The following FAM13A variants were observed in gnomAD, a reference collection of about 807,000 sequenced individuals.
FAM13A encodes the protein protein FAM13A.
In FAM13A, 76 loss-of-function variants were observed where a neutral mutation model predicts 129.6. The observed-to-expected ratio is 0.59, with a 90% CI of 0.49 to 0.71. The LOEUF is 0.71. Among genes scored for constraint, FAM13A ranks in the 30% least tolerant of loss-of-function variants. The probability of loss-of-function intolerance (pLI) is 0.00; values close to 1 mark genes in which losing one functional copy is unlikely to be tolerated. For missense variants in FAM13A, 1,108 were observed against 1,249.3 expected (o/e 0.89, Z 1.70); for synonymous variants, 443 against 449.9 (o/e 0.98, Z 0.20).
intron 7 of FAM13A, among the ~76,000 whole-genome samples, chr4:88,838,858 G>C (rs1349025863): frequency 6.6e-6 from 1 of 152,184 alleles, no homozygotes; most frequent in African/African-American, 2.4e-5. Context: ...ATAAACATTG[G>C]AAGATGCAGC....
intron 5 of FAM13A, among the ~76,000 whole-genome samples, chr4:88,920,683 G>A (rs1383105177): frequency 3.3e-5 from 5 of 152,156 alleles, no homozygotes; most frequent in South Asian, 2.1e-4. Flanking sequence ...CACCAGCAAC[G>A]GAACAAAGCT....
intron 3 of FAM13A, among the ~76,000 whole-genome samples, chr4:89,010,760 C>G (rs535440857): frequency 6.6e-6 from 1 of 152,304 alleles, no homozygotes; most frequent in African/African-American, 2.4e-5. Flanking sequence ...ATCAAAGGTA[C>G]AGACACCAGG....
chr4:89,006,988 C>T (rs1270391797), intron 3 of FAM13A, among the ~76,000 whole-genome samples: 3 of 152,068 alleles, frequency 2.0e-5, no homozygotes, highest in South Asian at 4.1e-4. Context: ...GATAGGGGGG[C>T]AGGATAGACC....
At chr4:88,954,270 T>C (rs997032596) in intron 4 of FAM13A, among the ~76,000 whole-genome samples, 24 of 152,250 alleles carry the variant, frequency 1.6e-4, no homozygotes, top group Admixed American at 3.9e-4. Context: ...AAAATGAATC[T>C]GTGATCACAA....
intron 13 of FAM13A, among the ~76,000 whole-genome samples, chr4:88,763,895 G>C (rs915230889): frequency 1.3e-5 from 2 of 152,158 alleles, no homozygotes. Context: ...ATTAGGCTTT[G>C]GCTATTGGAT....
intron 3 of FAM13A, among the ~76,000 whole-genome samples, chr4:89,008,467 C>T (rs1030706548): frequency 1.3e-4 from 20 of 150,568 alleles, no homozygotes; most frequent in African/African-American, 3.5e-4. Flanking sequence ...CTTCCAGCAC[C>T]TTGATCTTGG....
chr4:88,829,063 C>A (rs1733481129), intron 7 of FAM13A, among the ~76,000 whole-genome samples: 1 of 152,164 alleles, frequency 6.6e-6, no homozygotes, highest in African/African-American at 2.4e-5. Context: ...GCAACAAAAA[C>A]CATGTGGCTG....
intron 8 of FAM13A, among the ~76,000 whole-genome samples, chr4:88,793,357 A>C (rs1725547019): frequency 6.6e-6 from 1 of 151,994 alleles, no homozygotes; most frequent in Non-Finnish European, 1.5e-5. Flanking sequence ...AAGTAAACGA[A>C]TAAATCAATA....
intron 4 of FAM13A, among the ~76,000 whole-genome samples, chr4:88,982,498 C>A (rs1761766533): frequency 6.6e-6 from 1 of 152,088 alleles, no homozygotes; most frequent in Non-Finnish European, 1.5e-5. Flanking sequence ...TCCTGTTTTA[C>A]AAAAATTTAA....
At chr4:88,968,813 C>T (rs1184624889) in intron 4 of FAM13A, among the ~76,000 whole-genome samples, 1 of 151,974 alleles carries the variant, frequency 6.6e-6, no homozygotes, top group African/African-American at 2.4e-5. Context: ...ATTAATTTTG[C>T]CTCCACATTC....
At position 88,781,340 on chromosome 4, in the gene FAM13A, T is replaced by C; in HGVS notation, c.1283A>G (p.Asn428Ser). 3 of 1,602,116 alleles carry C rather than the reference T, an allele frequency of 1.9e-6. No individual in the cohort carries two copies. Among genetic ancestry groups the C allele is most frequent in the Non-Finnish European group, 8.5e-7 (1 of 1,174,654 alleles). ...VRHGRDKGLI[N>S]KENTPSGFNH... ...GAACCCAGAAGGAGTATTTTCTTTG[T>C]TGATAAGTCCCCTTGAATTGAGAAA... Residue 428 changes from asparagine to serine, a missense_variant, in exon 11 of 24, where the codon AAC becomes AGC. Coordinates refer to ENST00000264344, the MANE Select transcript of FAM13A (RefSeq NM_014883.4).
At chr4:89,054,298 GACACACAC>G (rs57198448) in intron 1 of FAM13A, among the ~76,000 whole-genome samples, 4 of 149,826 alleles carry the variant, frequency 2.7e-5, no homozygotes, top group African/African-American at 9.8e-5. Context: ...GATACACACA[GACACACAC>G]ACACACACAC....
chr4:88,776,091 A>G (rs1721653148), intron 11 of FAM13A, among the ~76,000 whole-genome samples: 2 of 152,150 alleles, frequency 1.3e-5, no homozygotes. Flanking sequence ...CTTTGTTTTT[A>G]TTTTTATATA....
intron 8 of FAM13A, among the ~76,000 whole-genome samples, chr4:88,790,907 T>C (rs1409121470): frequency 6.6e-5 from 10 of 152,130 alleles, no homozygotes; most frequent in African/African-American, 2.4e-4. Context: ...GCTGTCAACC[T>C]ATTGCCACAG....
At chr4:89,045,960 G>T (rs1452064420) in intron 1 of FAM13A, among the ~76,000 whole-genome samples, 1 of 149,300 alleles carries the variant, frequency 6.7e-6, no homozygotes, top group Non-Finnish European at 1.5e-5. Context: ...GGAGGCGGAG[G>T]TTGCAGTGAG....
intron 3 of FAM13A, among the ~76,000 whole-genome samples, chr4:89,000,546 C>A (rs1024627695): frequency 6.6e-6 from 1 of 152,084 alleles, no homozygotes; most frequent in Non-Finnish European, 1.5e-5. Flanking sequence ...TGGGGAGTGA[C>A]TGCTAATGGG....
At chr4:88,747,515 G>A (rs1465328304) in intron 18 of FAM13A, 116 bp downstream of exon 18, 2 of 838,752 alleles carry the variant, frequency 2.4e-6, no homozygotes, top group Non-Finnish European at 3.9e-6. Flanking sequence ...ACACGTAACA[G>A]CCTGGAAGGC....
chr4:88,753,929 T>C (rs1258316088), intron 14 of FAM13A, among the ~76,000 whole-genome samples: 1 of 152,176 alleles, frequency 6.6e-6, no homozygotes, highest in Non-Finnish European at 1.5e-5. Flanking sequence ...CCATTCCCAA[T>C]TGCTACTTTG....
At chr4:89,041,201 T>C (rs1307037249) in intron 1 of FAM13A, among the ~76,000 whole-genome samples, 2 of 152,194 alleles carry the variant, frequency 1.3e-5, no homozygotes, top group Admixed American at 1.3e-4. Flanking sequence ...AGTTAACAAG[T>C]ATTGTGTATT....
Sources: allele counts gnomAD v4.1 joint callset (sites outside exome capture counted in the v4.1 genomes callset), GRCh38; gene constraint gnomAD v4.1.1; transcripts MANE v1.5; gene names NCBI Gene and HGNC (gene_info 2026-07-23, HGNC 2026-07-21).